Variants in GFAP observed in about 807,000 individuals in gnomAD.
GFAP encodes the protein glial fibrillary acidic protein.
In GFAP, 38 loss-of-function variants were observed where a neutral mutation model predicts 49.3. That is an observed-to-expected ratio of 0.77 (90% CI 0.60 to 1.01). The LOEUF is 1.01. GFAP is among the 50% of genes least tolerant of loss of function. The probability of loss-of-function intolerance (pLI) is 0.00; values close to 1 mark genes in which losing one functional copy is unlikely to be tolerated. For missense variants in GFAP, 463 were observed against 579.1 expected (o/e 0.80, Z 2.06); for synonymous variants, 222 against 236.4 (o/e 0.94, Z 0.56).
chr17:44,910,194 C>T lies in GFAP; in HGVS notation c.1171+421G>A, dbSNP rs199641633. 5.2e-4 allele frequency: 839 copies of T among 1,613,812 alleles called. 2 individuals carry two copies. Among genetic ancestry groups the T allele is most frequent in the Non-Finnish European group, 6.4e-4 (752 of 1,179,780 alleles). On this transcript the variant is annotated intron_variant, in intron 7 of 8. Transcript: ENST00000588735. The stretch of plus-strand genomic sequence containing the variant: ...CTGGTGAGCCTGTATTGGTATAACT[C>T]GTATTGTGAGGCTTTTGAGATATCT...
At chr17:44,907,818 A>G (rs1420992343) in intron 8 of GFAP, 1 of 604,434 alleles carries the variant, frequency 1.7e-6, no homozygotes, top group Non-Finnish European at 3.0e-6. Flanking sequence ...AGGGTGAGAA[A>G]GAGAGAGTGT....
Position 44,907,344 on chromosome 17 carries a change from G to C in GFAP, c.*3C>G, listed in dbSNP as rs776738529. The C allele has an allele frequency of 2.5e-6, 4 of 1,613,570 alleles. No homozygotes were observed. The East Asian group carries it at 8.9e-5, about 36-fold the overall frequency. On this transcript the variant is annotated 3_prime_UTR_variant, in exon 9 of 9. Transcript: ENST00000588735. The stretch of plus-strand genomic sequence containing the variant: ...GGGCAGAGGCCACCAGGTGGGTCCT[G>C]CCTCACATCACATCCTTGTGCTCCT...
In GFAP at chr17:44,908,156, A is replaced by G. The variant is rs1408137891; in HGVS notation, c.1172-7T>C. The G allele has an allele frequency of 6.2e-7, 1 of 1,601,256 alleles. No homozygotes were observed. The highest frequency in any genetic ancestry group is 8.6e-7 in the Non-Finnish European group (1 of 1,168,856). ...TTGGTGTCCAGGCTGGTTTCTGCAG[A>G]TGTGGGGAGAGGAGGCCTCTCATGG... On this transcript the variant is annotated splice_polypyrimidine_tract_variant and splice_region_variant and intron_variant, in intron 7 of 8. Coordinates refer to ENST00000588735, the MANE Select transcript of GFAP (RefSeq NM_002055.5).
intron 7 of GFAP, 68 bp from the exon 8 acceptor site, chr17:44,908,217 G>C (rs764796765): frequency 9.2e-7 from 1 of 1,091,426 alleles, no homozygotes; most frequent in African/African-American, 1.5e-5. Flanking sequence ...CCCATGCCCG[G>C]CTTCCCCATC....
intron 3 of GFAP, 46 bp downstream of exon 3, chr17:44,913,682 G>A (rs1389711329): frequency 7.2e-7 from 1 of 1,384,432 alleles, no homozygotes; most frequent in Non-Finnish European, 1.0e-6. Flanking sequence ...CCCTCTCTCA[G>A]TTGCAATCTC....
Position 44,904,141 on chromosome 17 carries a change from C to T in GFAP, c.*3206G>A. 1.3e-6 allele frequency: 2 copies of T among 1,550,458 alleles called. No individual in the cohort carries two copies. On this transcript the variant is annotated 3_prime_UTR_variant, in exon 9 of 9. Transcript: ENST00000588735. ...GCAGCGACATGCTGACCCGCTTCAG[C>T]ATCCGCATGTTCAGCTTGTTGGTTT...
In GFAP at chr17:44,904,641, A is replaced by C; in HGVS notation, c.*2706T>G. ...GTGGGCAGCCGGCCCTGGGTGCCCC[A>C]GGTGCCCATTCAGTTCCACCAGCAG... On this transcript the variant is annotated 3_prime_UTR_variant, in exon 9 of 9. Coordinates refer to ENST00000588735, the MANE Select transcript of GFAP (RefSeq NM_002055.5). 1 of 1,550,560 alleles carries C rather than the reference A, an allele frequency of 6.4e-7. No homozygotes were observed.
chr17:44,903,979 G>T lies in GFAP; in HGVS notation c.*3368C>A. 1.3e-6 allele frequency: 2 copies of T among 1,550,644 alleles called. No homozygotes were observed. Among genetic ancestry groups the T allele is most frequent in the Non-Finnish European group, 1.7e-6 (2 of 1,147,006 alleles). On this transcript the variant is annotated 3_prime_UTR_variant, in exon 9 of 9. Transcript: ENST00000588735. ...CCTACCTGGCCGACATGAGCTTTGAGCTTCCCTGTCACTGCAAACCCGAAG... is the reference window on the plus strand; with the variant it reads ...CCTACCTGGCCGACATGAGCTTTGATCTTCCCTGTCACTGCAAACCCGAAG...
chr17:44,911,815 A>AT lies in GFAP; in HGVS notation c.781-19dup. On this transcript the variant is annotated intron_variant, in intron 4 of 8. Transcript: ENST00000588735. ...TCTGCAAACTAGGTGGGGGACACAT[A>AT]TGGGGGGCTGTGTGGGCCCATGGGC... The AT allele has an allele frequency of 6.2e-7, 1 of 1,604,852 alleles. No individual in the cohort carries two copies. The highest frequency in any genetic ancestry group is 8.5e-7 in the Non-Finnish European group (1 of 1,174,750).
In GFAP at chr17:44,903,650, T is replaced by C. The variant is rs1490619849; in HGVS notation, c.*3697A>G. On this transcript the variant is annotated 3_prime_UTR_variant, in exon 9 of 9. Transcript: ENST00000588735. ...GAATGTTAGAAGGGCATCTTGTACA[T>C]CCACTGGGAATAAATTGCCTTGCAC... is the stretch of plus-strand genomic sequence containing the variant. 2.1e-6 allele frequency: 3 copies of C among 1,433,018 alleles called. No homozygotes were observed. The highest frequency in any genetic ancestry group is 2.9e-5 in the African/African-American group (2 of 69,658). The allele number at this position is 1,433,018 out of a possible 1,614,324, so 88.8% of individuals were successfully genotyped here. A position where few individuals can be genotyped will look rare whatever the true frequency, so the allele number is the denominator to read the frequency against.
chr17:44,911,453 C>T lies in GFAP; in HGVS notation c.910G>A (p.Glu304Lys). Reference sequence around the variant, plus strand: ...TCGCGCATCTGCCTCTCCAGGGACTCGTTCTGTGGGATGGAGCCGGCCGGT... The same window carrying T: ...TCGCGCATCTGCCTCTCCAGGGACTTGTTCTGTGGGATGGAGCCGGCCGGT... Reference protein sequence around the residue: ...CDLESLRGTNESLERQMREQE... With the variant: ...CDLESLRGTNKSLERQMREQE... Residue 304 changes from glutamate (E) to lysine (K), a missense_variant, in exon 6 of 9, where the codon GAG (glutamate) becomes AAG (lysine). By Grantham distance (56) the Glu-to-Lys change is moderately conservative (BLOSUM62 1). Coordinates refer to ENST00000588735, the MANE Select transcript of GFAP (RefSeq NM_002055.5). 1 of 1,604,302 alleles carries T rather than the reference C, an allele frequency of 6.2e-7. No individual in the cohort carries two copies. The highest frequency in any genetic ancestry group is 8.5e-7 in the Non-Finnish European group (1 of 1,175,570).
intron 4 of GFAP, among the ~76,000 whole-genome samples, chr17:44,912,001 G>A (rs988793704): frequency 6.6e-6 from 1 of 152,246 alleles, no homozygotes; most frequent in Non-Finnish European, 1.5e-5. Flanking sequence ...GTCAGCAAGC[G>A]AATGAATGAA....
chr17:44,908,178 A>T (rs1478703097), intron 7 of GFAP, 29 bp from the exon 8 acceptor site: 4 of 1,499,300 alleles, frequency 2.7e-6, no homozygotes, highest in Non-Finnish European at 3.7e-6. Flanking sequence ...GAGGCCTCTC[A>T]TGGACTTTCA....
At chr17:44,913,638 C>G (rs766268370) in intron 3 of GFAP, 90 bp downstream of exon 3, 2 of 1,101,018 alleles carry the variant, frequency 1.8e-6, no homozygotes, top group Non-Finnish European at 2.8e-6. Flanking sequence ...CTCTGAGTGT[C>G]TCTCTCAGTC....
rs553951207 is a variant in GFAP, at chr17:44,911,693, G to A, written c.885C>T (p.Asp295=). The A allele has an allele frequency of 1.2e-6, 2 of 1,613,554 alleles. No homozygotes were observed. The highest frequency in any genetic ancestry group is 1.3e-5 in the African/African-American group (1 of 74,938). The change falls in exon 5 of 9, where the codon GAC becomes GAT. Residue 295 remains aspartate, a synonymous_variant. Transcript: ENST00000588735. The part of the protein sequence containing the change: ...YRRQLQSLTC[D]LESLRGTNES... ...TCACCGTGCCGCGCAGAGACTCCAG[G>A]TCGCAGGTCAAGGACTGCAACTGGC...
chr17:44,913,705 T>C (rs1482862566), intron 3 of GFAP, 23 bp downstream of exon 3: 1 of 1,558,012 alleles, frequency 6.4e-7, no homozygotes, highest in African/African-American at 1.4e-5. Flanking sequence ...TGTTGAGCTT[T>C]CCTCCCTCTG....
intron 7 of GFAP, chr17:44,909,710 T>C: frequency 1.0e-6 from 1 of 980,604 alleles, no homozygotes; most frequent in Non-Finnish European, 1.2e-6. Context: ...CTTTATTCAC[T>C]GCAAGAGCTG....
chr17:44,912,241 A>T (rs1279878129), intron 4 of GFAP: 1 of 164,894 alleles, frequency 6.1e-6, no homozygotes, highest in Non-Finnish European at 1.3e-5. Context: ...CTCCTGCCCC[A>T]GCCACCTGAG....
At chr17:44,913,921 T>C (rs1279527242) in intron 2 of GFAP, 98 bp from the exon 3 acceptor site, 5 of 1,331,224 alleles carry the variant, frequency 3.8e-6, no homozygotes, top group Non-Finnish European at 5.4e-6. Flanking sequence ...TCTGGGGCAG[T>C]GGGGAGCAGC....
Sources: allele counts gnomAD v4.1 joint callset (sites outside exome capture counted in the v4.1 genomes callset), GRCh38; gene constraint gnomAD v4.1.1; transcripts MANE v1.5; gene names NCBI Gene and HGNC (gene_info 2026-07-23, HGNC 2026-07-21).